The following CALCRL variants were observed in gnomAD, a reference collection of about 807,000 sequenced individuals.
The protein encoded by CALCRL is calcitonin gene-related peptide type 1 receptor.
Under a neutral mutation model 60.4 loss-of-function variants are expected in CALCRL, and 27 were observed. The ratio of observed to expected loss-of-function variants is 0.45; its 90% CI spans 0.33 to 0.62. The LOEUF is 0.62. Ranked by LOEUF, CALCRL falls within the 20% of genes least tolerant of loss-of-function variation. CALCRL has a pLI of 0.03. For missense variants in CALCRL, 424 were observed against 540.7 expected (o/e 0.78, Z 2.14); for synonymous variants, 190 against 182.6 (o/e 1.04, Z -0.33).
intron 1 of CALCRL, among the ~76,000 whole-genome samples, chr2:187,443,057 A>C (rs921905610): frequency 2.0e-5 from 3 of 151,964 alleles, no homozygotes; most frequent in Admixed American, 1.3e-4. Context: ...TTAAATTGTT[A>C]ATATGCAGGT....
At chr2:187,375,278 CAAA>C (rs35276351) in intron 8 of CALCRL, among the ~76,000 whole-genome samples, 10 of 115,370 alleles carry the variant, frequency 8.7e-5, no homozygotes, top group African/African-American at 2.3e-4. Context: ...GACTCCGTCT[CAAA>C]AAAAAAAAAA....
chr2:187,367,855 A>T (rs1367453074), intron 8 of CALCRL, among the ~76,000 whole-genome samples: 1 of 152,038 alleles, frequency 6.6e-6, no homozygotes, highest in Non-Finnish European at 1.5e-5. Context: ...TTAAAATGCC[A>T]TTTCAACATT....
intron 10 of CALCRL, among the ~76,000 whole-genome samples, chr2:187,359,598 T>C (rs1375918708): frequency 3.3e-5 from 5 of 152,166 alleles, no homozygotes; most frequent in African/African-American, 1.2e-4. Context: ...AGCATTCGTG[T>C]ACTTTCTGTG....
chr2:187,447,587 A>G (rs1205951257), intron 1 of CALCRL, among the ~76,000 whole-genome samples: 2 of 152,118 alleles, frequency 1.3e-5, no homozygotes, highest in Non-Finnish European at 2.9e-5. Context: ...ATGATCAACC[A>G]CAGAGTAAGT....
Position 187,441,144 on chromosome 2 carries a change from G to T in CALCRL, c.-293+6895C>A, listed in dbSNP as rs115818522. ...AAATTATATTAGAAGCAATTGAAAG[G>T]GAGATATTTCAGAATATCTTAACCA... is the stretch of plus-strand genomic sequence containing the variant. On this transcript the variant is annotated intron_variant, in intron 1 of 14. Coordinates refer to ENST00000392370, the MANE Select transcript of CALCRL (RefSeq NM_005795.6). 2.0e-5 allele frequency among the ~76,000 whole-genome samples: 3 copies of T among 151,994 alleles called. No homozygotes were observed. In the East Asian group the frequency reaches 5.8e-4, roughly 29 times the overall value.
At chr2:187,434,874 C>CT (rs1690564658) in intron 1 of CALCRL, among the ~76,000 whole-genome samples, 1 of 152,132 alleles carries the variant, frequency 6.6e-6, no homozygotes, top group Non-Finnish European at 1.5e-5. Context: ...GATAACTCCA[C>CT]TTTCATTAAA....
rs762248625 is a variant in CALCRL, at chr2:187,346,353, A to C, written c.1217T>G (p.Phe406Cys). ...RRNWNQYKIQ[F>C]GNSFSNSEAL... is the part of the protein sequence containing the mutation. ...TTCTGAGTTGGAAAAGCTGTTTCCA[A>C]ATTGGATTTTGTATTGATTCCAGTT... is the stretch of plus-strand genomic sequence containing the variant. Residue 406 changes from phenylalanine (F) to cysteine (C), a missense_variant, in exon 15 of 15, where the codon TTT becomes TGT. By Grantham distance (205) the Phe-to-Cys change is radical. This residue lies in a region of CALCRL where 222 missense variants were observed against 265.6 expected (regional missense o/e 0.84). Coordinates refer to ENST00000392370, the MANE Select transcript of CALCRL (RefSeq NM_005795.6). 2 of 1,612,134 alleles carry C rather than the reference A, an allele frequency of 1.2e-6. No individual in the cohort carries two copies. The highest frequency in any genetic ancestry group is 2.7e-5 in the African/African-American group (2 of 74,778).
chr2:187,437,648 A>G (rs1455867658), intron 1 of CALCRL, among the ~76,000 whole-genome samples: 1 of 152,158 alleles, frequency 6.6e-6, no homozygotes, highest in Non-Finnish European at 1.5e-5. Context: ...GACTAATTTT[A>G]AAAACAAAAT....
At position 187,363,463 on chromosome 2, in the gene CALCRL, C is replaced by G; in HGVS notation, c.540G>C (p.Leu180=). 1 of 1,607,574 alleles carries G rather than the reference C, an allele frequency of 6.2e-7. No homozygotes were observed. The highest frequency in any genetic ancestry group is 8.5e-7 in the Non-Finnish European group (1 of 1,176,790). The stretch of plus-strand genomic sequence containing the variant: ...CAGAGTTACAAACAAATGAGAAGAA[C>G]AGATTTTTGTGTAAGGTAATCCTTT... ...SCQRITLHKN[L]FFSFVCNSVV... Residue 180 remains leucine, a synonymous_variant, in exon 9 of 15, where the codon CTG becomes CTC. Coordinates refer to ENST00000392370, the MANE Select transcript of CALCRL (RefSeq NM_005795.6).
chr2:187,355,590 C>T (rs75867731), intron 12 of CALCRL, among the ~76,000 whole-genome samples: 3,356 of 151,990 alleles, frequency 0.022, 214 homozygotes, highest in East Asian at 0.18. Flanking sequence ...TCTGAAGAGA[C>T]GAATGAGGAA....
Position 187,360,671 on chromosome 2 carries a change from G to A in CALCRL, c.708C>T (p.Tyr236=). The A allele has an allele frequency of 6.2e-7, 1 of 1,612,758 alleles. No individual in the cohort carries two copies. The highest frequency in any genetic ancestry group is 1.3e-5 in the African/African-American group (1 of 74,946). ...NYFWMLCEGI[Y]LHTLIVVAVF... ...CGGCCACCACAATGAGTGTGTGTAG[G>A]TAAATGCCTTCACAGAGCATCCAAA... Residue 236 remains tyrosine (Y), a synonymous_variant, in exon 10 of 15, where the codon TAC becomes TAT. Transcript: ENST00000392370.
At chr2:187,375,978 A>T (rs1346834623) in intron 8 of CALCRL, among the ~76,000 whole-genome samples, 1 of 152,206 alleles carries the variant, frequency 6.6e-6, no homozygotes, top group Non-Finnish European at 1.5e-5. Flanking sequence ...ATGTGTGTAG[A>T]CTGCTTTAAG....
chr2:187,346,739 G>A (rs978843570), intron 14 of CALCRL, among the ~76,000 whole-genome samples: 27 of 151,764 alleles, frequency 1.8e-4, no homozygotes, highest in African/African-American at 3.6e-4. Flanking sequence ...GCAACATTGA[G>A]TTTTATATTA....
intron 1 of CALCRL, among the ~76,000 whole-genome samples, chr2:187,399,448 G>T (rs1477105264): frequency 6.6e-6 from 1 of 151,418 alleles, no homozygotes; most frequent in African/African-American, 2.4e-5. Flanking sequence ...TTAGGCAATG[G>T]CTTTATAGAT....
chr2:187,404,543 G>T (rs1230511306), intron 1 of CALCRL, among the ~76,000 whole-genome samples: 4 of 150,854 alleles, frequency 2.7e-5, no homozygotes, highest in African/African-American at 7.3e-5. Flanking sequence ...TAACATCCTG[G>T]GGTCTATCTT....
At chr2:187,405,708 C>T (rs904060069) in intron 1 of CALCRL, among the ~76,000 whole-genome samples, 2 of 151,934 alleles carry the variant, frequency 1.3e-5, no homozygotes, top group Admixed American at 1.3e-4. Context: ...AATTAGCACT[C>T]GGTTATTAGT....
Position 187,363,433 on chromosome 2 carries a change from T to C in CALCRL, c.570A>G (p.Val190=), listed in dbSNP as rs781068122. The C allele has an allele frequency of 1.2e-6, 2 of 1,612,530 alleles. No individual in the cohort carries two copies. The highest frequency in any genetic ancestry group is 2.2e-5 in the South Asian group (2 of 90,896). Residue 190 remains valine, a synonymous_variant, in exon 9 of 15, where the codon GTA becomes GTG. Transcript: ENST00000392370. The stretch of plus-strand genomic sequence containing the variant: ...CCACTGCAGTGAGGTGAATGATTGT[T>C]ACAACAGAGTTACAAACAAATGAGA... ...LFFSFVCNSV[V]TIIHLTAVAN...
intron 8 of CALCRL, among the ~76,000 whole-genome samples, chr2:187,378,658 C>CCAAAG (rs1687864871): frequency 6.6e-6 from 1 of 152,028 alleles, no homozygotes; most frequent in Non-Finnish European, 1.5e-5. Flanking sequence ...TTAACAGTTC[C>CCAAAG]CAAAGCAAAT....
At chr2:187,384,374 A>G (rs1472947675) in intron 4 of CALCRL, among the ~76,000 whole-genome samples, 4 of 152,210 alleles carry the variant, frequency 2.6e-5, no homozygotes, top group African/African-American at 7.2e-5. Context: ...GCAAAAATCC[A>G]TATGATTTTT....
Sources: allele counts gnomAD v4.1 joint callset (sites outside exome capture counted in the v4.1 genomes callset), GRCh38; gene constraint gnomAD v4.1.1; regional missense constraint gnomAD v4.1.1; transcripts MANE v1.5; gene names NCBI Gene and HGNC (gene_info 2026-07-23, HGNC 2026-07-21).